The following PIK3R6 variants were observed in gnomAD, a reference collection of about 807,000 sequenced individuals.
The protein encoded by PIK3R6 is phosphoinositide-3-kinase regulatory subunit 6, also known as phosphoinositide 3-kinase regulatory subunit 6.
In PIK3R6, 91 loss-of-function variants were observed where a neutral mutation model predicts 84.9. That is an observed-to-expected ratio of 1.07 (90% CI 0.90 to 1.28). The LOEUF (loss-of-function observed/expected upper bound fraction) is 1.28, where lower values mean the gene tolerates loss of function less well. Among genes scored for constraint, PIK3R6 ranks in the 50% most tolerant of loss-of-function variants. The pLI is 0.00. For missense variants in PIK3R6, 996 were observed against 985.1 expected (o/e 1.01, Z -0.15); for synonymous variants, 416 against 411.4 (o/e 1.01, Z -0.13).
intron 18 of PIK3R6, among the ~76,000 whole-genome samples, chr17:8,814,172 GACCCAGGTTTTTAGTGCTCCACTCTTT>G (rs1206588579): frequency 2.0e-5 from 3 of 147,002 alleles, no homozygotes; most frequent in African/African-American, 7.7e-5. Context: ...GCCCACCATT[GACCCAGGTTTTTAGTGCTCCACTCTTT>G]AGTTCAGAGA....
intron 16 of PIK3R6, 73 bp downstream of exon 16, chr17:8,822,514 T>C (rs1235836136): frequency 1.3e-6 from 2 of 1,526,248 alleles, no homozygotes; most frequent in African/African-American, 2.7e-5. Flanking sequence ...TCTGCTTCCC[T>C]GCTTGTCCCA....
chr17:8,827,229 CG>C lies in PIK3R6; in HGVS notation c.1457del (p.Pro486ArgfsTer35), dbSNP rs1187160374. 3.1e-6 allele frequency: 5 copies of C among 1,599,722 alleles called. No individual in the cohort carries two copies. The highest frequency in any genetic ancestry group is 4.3e-6 in the Non-Finnish European group (5 of 1,173,518). ...GCGTGTTGACGTTGCTCTGGTACCA[CG>C]GGTCTACGCGGCCCAGGAACGTAGC... Reference protein sequence around the residue: ...ELATFLGRVDPWYQSNVNTLC... With the variant: ...ELATFLGRVDXWYQSNVNTLC... On this transcript the variant is annotated frameshift_variant, in exon 13 of 20. Coordinates refer to ENST00000619866, the MANE Select transcript of PIK3R6 (RefSeq NM_001010855.4). LOFTEE classifies it high-confidence loss of function.
At chr17:8,832,140 A>G (rs1399867676) in intron 9 of PIK3R6, among the ~76,000 whole-genome samples, 1 of 152,152 alleles carries the variant, frequency 6.6e-6, no homozygotes, top group African/African-American at 2.4e-5. Flanking sequence ...TGGCTTTGCC[A>G]TTTACTGCCT....
rs969561074 is a variant in PIK3R6, at chr17:8,844,780, C to T, written c.13+5002G>A. On this transcript the variant is annotated intron_variant, in intron 2 of 19. Coordinates refer to ENST00000619866, the MANE Select transcript of PIK3R6 (RefSeq NM_001010855.4). This position sits in a 1 kb window ranked among gnomAD's most constrained non-coding sequence, Gnocchi z 4.5. ...AATAGTACTACTCATATGAGTAGTA[C>T]TAGTACCCACACTAACTAGTTTTTC... is the stretch of plus-strand genomic sequence containing the variant. Among the ~76,000 whole-genome samples, 2 of 151,990 alleles carry T rather than the reference C, an allele frequency of 1.3e-5. No individual in the cohort carries two copies. Among genetic ancestry groups the T allele is most frequent in the Admixed American group, 1.3e-4 (2 of 15,242 alleles).
At position 8,833,013 on chromosome 17, in the gene PIK3R6, G is replaced by C. The variant is rs17740805; in HGVS notation, c.678C>G (p.Phe226Leu). The change falls in exon 9 of 20, where the codon TTC becomes TTG. Residue 226 changes from phenylalanine (F) to leucine (L), a missense_variant. By Grantham distance (22) the Phe-to-Leu change is conservative. Coordinates refer to ENST00000619866, the MANE Select transcript of PIK3R6 (RefSeq NM_001010855.4). ...GCTCCAAGGCGGCCACCACGGCGTG[G>C]AAATAGTGCTCCAGGGTGCGGCGAG... Reference protein sequence around the residue: ...ASPRRTLEHYFHAVVAALEQM... With the variant: ...ASPRRTLEHYLHAVVAALEQM... 5.6e-6 allele frequency: 9 copies of C among 1,608,978 alleles called. No homozygotes were observed. In the South Asian group the frequency reaches 9.9e-5, roughly 18 times the overall value.
At chr17:8,806,915 G>GT (rs1290131603) in intron 18 of PIK3R6, among the ~76,000 whole-genome samples, 2 of 152,190 alleles carry the variant, frequency 1.3e-5, no homozygotes, top group Admixed American at 6.5e-5. Flanking sequence ...CATGTATGTG[G>GT]ACCTGCCTGG....
At position 8,828,163 on chromosome 17, in the gene PIK3R6, G is replaced by A. The variant is rs768240219; in HGVS notation, c.1341C>T (p.Leu447=). ...AGAGCTGCAGGCTGAGTCTGGGAGT[G>A]AGGCAGAACTTCTGGGTCTCCCGTT... ...LRKRETQKFC[L]TPRLSLQLYY... is the part of the protein sequence containing the mutation. The change falls in exon 12 of 20, where the codon CTC becomes CTT. Residue 447 remains leucine (L), a synonymous_variant. Coordinates refer to ENST00000619866, the MANE Select transcript of PIK3R6 (RefSeq NM_001010855.4). 133 of 1,613,880 alleles carry A rather than the reference G, an allele frequency of 8.2e-5. No individual in the cohort carries two copies. Among genetic ancestry groups the A allele is most frequent in the Non-Finnish European group, 1.1e-4 (126 of 1,179,880 alleles).
rs367725221 is a variant in PIK3R6 at position 8,838,679 on chromosome 17, C to A, written c.98-24G>T. Reference sequence around the variant, plus strand: ...GCCTGGGCCAGGAGAAAGGGGAGCCCGGCATGAGCAGGTGGGCAGTTCTTA... The same window carrying A: ...GCCTGGGCCAGGAGAAAGGGGAGCCAGGCATGAGCAGGTGGGCAGTTCTTA... On this transcript the variant is annotated intron_variant, in intron 3 of 19. Coordinates refer to ENST00000619866, the MANE Select transcript of PIK3R6 (RefSeq NM_001010855.4). 3,215 of 1,567,598 alleles carry A rather than the reference C, an allele frequency of 2.1e-3. 3 individuals carry two copies. The highest frequency in any genetic ancestry group is 2.6e-3 in the Non-Finnish European group (3,036 of 1,155,872).
intron 17 of PIK3R6, 47 bp downstream of exon 17, chr17:8,821,799 T>G: frequency 6.5e-7 from 1 of 1,529,152 alleles, no homozygotes; most frequent in Non-Finnish European, 8.9e-7. Context: ...AGCATTGCCC[T>G]TCTCATCTCT....
At position 8,862,160 on chromosome 17, in the gene PIK3R6, A is replaced by C. The variant is rs980130510; in HGVS notation, c.-92+5369T>G. 1.3e-5 allele frequency among the ~76,000 whole-genome samples: 2 copies of C among 152,170 alleles called. No homozygotes were observed. Among genetic ancestry groups the C allele is most frequent in the African/African-American group, 4.8e-5 (2 of 41,444 alleles). On this transcript the variant is annotated intron_variant, in intron 1 of 19. Transcript: ENST00000619866. The surrounding 1 kb of genome is among the most constrained non-coding windows in gnomAD (Gnocchi z 4.3). ...GGGGGTCTTGGAGTGTGTCCCCTGC[A>C]GGTAAGGGGACTACGCTATTGCATT...
chr17:8,828,100 C>A lies in PIK3R6; in HGVS notation c.1392+12G>T, dbSNP rs750291229. ...TCTCTGCCCCGCCACCGCCTCCCCG[C>A]GGTCCAGTCACCTCAGGCGCCAGCA... On this transcript the variant is annotated intron_variant, in intron 12 of 19. Coordinates refer to ENST00000619866, the MANE Select transcript of PIK3R6 (RefSeq NM_001010855.4). The A allele has an allele frequency of 5.6e-6, 9 of 1,613,280 alleles. No individual in the cohort carries two copies. The highest frequency in any genetic ancestry group is 7.6e-6 in the Non-Finnish European group (9 of 1,179,484).
chr17:8,810,309 A>T (rs531744141), intron 18 of PIK3R6, among the ~76,000 whole-genome samples: 1 of 147,852 alleles, frequency 6.8e-6, no homozygotes, highest in African/African-American at 2.5e-5. Context: ...CCATGATTCA[A>T]TTACCTCCCA....
chr17:8,852,940 C>T (rs1324856087), intron 1 of PIK3R6, among the ~76,000 whole-genome samples: 20 of 151,678 alleles, frequency 1.3e-4, no homozygotes, highest in Non-Finnish European at 4.4e-5. Flanking sequence ...AGCAATTCGA[C>T]CTTTAAAAAC....
rs745764156 is a variant in PIK3R6, at chr17:8,828,734, C to A, written c.1146G>T (p.Leu382Phe). Residue 382 changes from leucine (L) to phenylalanine (F), a missense_variant, in exon 11 of 20, where the codon TTG (leucine) becomes TTT (phenylalanine). Transcript: ENST00000619866. ...IKKRAWPLDF[L>F]MPGSWDGPPG... ...GGGGCCCGTCCCAGCTGCCAGGCAT[C>A]AAGAAGTCCAGGGGCCATGCACGCT... The A allele has an allele frequency of 1.9e-6, 3 of 1,608,496 alleles. No homozygotes were observed. The highest frequency in any genetic ancestry group is 2.5e-6 in the Non-Finnish European group (3 of 1,177,422).
At chr17:8,859,567 G>A (rs1293938713) in intron 1 of PIK3R6, among the ~76,000 whole-genome samples, 1 of 152,180 alleles carries the variant, frequency 6.6e-6, no homozygotes, top group African/African-American at 2.4e-5. Context: ...CTGAATGCAG[G>A]GAGTGAGTCA....
In PIK3R6 at chr17:8,803,951, G is replaced by A. The variant is rs937548865; in HGVS notation, c.2108+90C>T. 1.7e-5 allele frequency: 20 copies of A among 1,164,002 alleles called. No homozygotes were observed. The highest frequency in any genetic ancestry group is 2.4e-5 in the Non-Finnish European group (19 of 790,788). The allele number at this position is 1,164,002 out of a possible 1,614,324, so 72.1% of individuals were successfully genotyped here. On this transcript the variant is annotated intron_variant, in intron 19 of 19. Transcript: ENST00000619866. The surrounding 1 kb of genome is among the most constrained non-coding windows in gnomAD (Gnocchi z 5.0). ...GGATCTACCTCCGATGAGGTGCCTT[G>A]AGCTAGAGGCAGGAGATGGCAGGAG...
At chr17:8,860,518 C>T (rs1041567113) in intron 1 of PIK3R6, among the ~76,000 whole-genome samples, 3 of 140,206 alleles carry the variant, frequency 2.1e-5, no homozygotes, top group African/African-American at 7.8e-5. Context: ...AAATTGCCTT[C>T]CATGAAACTG....
intron 17 of PIK3R6, among the ~76,000 whole-genome samples, chr17:8,819,779 C>T (rs1344761085): frequency 1.4e-5 from 2 of 145,760 alleles, no homozygotes; most frequent in East Asian, 4.0e-4. Context: ...TATATACGCA[C>T]ACATATATAT....
chr17:8,811,541 A>T lies in PIK3R6; in HGVS notation c.1996-7388T>A, dbSNP rs138378615. On this transcript the variant is annotated intron_variant, in intron 18 of 19. Coordinates refer to ENST00000619866, the MANE Select transcript of PIK3R6 (RefSeq NM_001010855.4). ...ATGCTCTGCTTCCCTTATAAAACTGAATGCCTTTAACAGCACCCAAGTCAC... is the reference window on the plus strand; with the variant it reads ...ATGCTCTGCTTCCCTTATAAAACTGTATGCCTTTAACAGCACCCAAGTCAC... Among the ~76,000 whole-genome samples the T allele has an allele frequency of 2.0e-3, 292 of 148,412 alleles. 33 individuals carry two copies. The highest frequency in any genetic ancestry group is 7.0e-3 in the African/African-American group (280 of 39,892).
Sources: gnomAD v4.1 joint callset for allele counts (sites outside exome capture counted in the v4.1 genomes callset) on GRCh38, gnomAD v4.1.1 for gene constraint, Gnocchi (gnomAD v3.1) non-coding constraint, MANE v1.5 for transcripts, NCBI Gene and HGNC (gene_info 2026-07-23, HGNC 2026-07-21) for gene names.